The following MARK2 variants were observed in gnomAD, a reference collection of about 807,000 sequenced individuals.
MARK2 encodes the protein microtubule affinity regulating kinase 2.
A neutral mutation model predicts 89.8 loss-of-function variants in MARK2; 16 were observed. The ratio of observed to expected loss-of-function variants is 0.18; its 90% CI spans 0.12 to 0.27. MARK2 has a LOEUF of 0.27. Ranked by LOEUF, MARK2 falls within the 10% of genes least tolerant of loss-of-function variation. MARK2 has a pLI of 1.00. For missense variants in MARK2, 621 were observed against 1,049.9 expected (o/e 0.59, Z 5.65); for synonymous variants, 382 against 399.5 (o/e 0.96, Z 0.52).
At chr11:63,901,422 G>GGTGGGTGTGTGTGTGTGT (rs1554985349) in intron 11 of MARK2, among the ~76,000 whole-genome samples, 1 of 139,590 alleles carries the variant, frequency 7.2e-6, no homozygotes, top group African/African-American at 2.7e-5. Flanking sequence ...TACATTTCTG[G>GGTGGGTGTGTGTGTGTGT]GTGTGTGTGT....
At chr11:63,895,658 C>CGTTT in intron 3 of MARK2, 25 bp downstream of exon 3, 2 of 1,161,440 alleles carry the variant, frequency 1.7e-6, no homozygotes, top group Non-Finnish European at 2.4e-6. Flanking sequence ...CCTCCTGTCC[C>CGTTT]TTTTTTTTTT....
chr11:63,867,289 AAGTGCTGGGATACCAGGTGTG>A (rs1938189382), intron 1 of MARK2, among the ~76,000 whole-genome samples: 1 of 152,346 alleles, frequency 6.6e-6, no homozygotes, highest in African/African-American at 2.4e-5. Context: ...CAGCCTCCTG[AAGTGCTGGGATACCAGGTGTG>A]AGCTACCACA....
chr11:63,876,490 C>T (rs1355635392), intron 1 of MARK2, among the ~76,000 whole-genome samples: 2 of 152,198 alleles, frequency 1.3e-5, no homozygotes, highest in Admixed American at 6.5e-5. Flanking sequence ...GGTAGGGACC[C>T]CGTTATGGCT....
At chr11:63,890,397 A>AC (rs1179195390) in intron 1 of MARK2, 1 of 554,350 alleles carries the variant, frequency 1.8e-6, no homozygotes, top group Non-Finnish European at 3.0e-6. Flanking sequence ...AAGAGCAAGC[A>AC]CCAGTGCTTG....
At chr11:63,844,928 T>C (rs1412078102) in intron 1 of MARK2, among the ~76,000 whole-genome samples, 2 of 152,210 alleles carry the variant, frequency 1.3e-5, no homozygotes, top group African/African-American at 4.8e-5. Context: ...TTATGTCGAC[T>C]TGAATGAATA....
chr11:63,878,718 C>T (rs1198929255), intron 1 of MARK2, among the ~76,000 whole-genome samples: 2 of 152,002 alleles, frequency 1.3e-5, no homozygotes, highest in Non-Finnish European at 2.9e-5. Context: ...ACTAGGGAGC[C>T]CCCGTGTCTG....
intron 1 of MARK2, among the ~76,000 whole-genome samples, chr11:63,852,970 C>T (rs1232525393): frequency 6.6e-6 from 1 of 152,186 alleles, no homozygotes; most frequent in African/African-American, 2.4e-5. Flanking sequence ...TGCCACATTG[C>T]TTTGGCTGGA....
At chr11:63,865,355 C>T (rs1938071521) in intron 1 of MARK2, among the ~76,000 whole-genome samples, 1 of 152,332 alleles carries the variant, frequency 6.6e-6, no homozygotes, top group African/African-American at 2.4e-5. Context: ...CCTCCCACCT[C>T]AGCCTCCCAA....
At chr11:63,883,054 G>A (rs1206503900) in intron 1 of MARK2, among the ~76,000 whole-genome samples, 4 of 152,172 alleles carry the variant, frequency 2.6e-5, no homozygotes, top group African/African-American at 7.2e-5. Flanking sequence ...CCATGGTTAC[G>A]GTAACCCACT....
Position 63,904,588 on chromosome 11 carries a change from A to T in MARK2, c.1677-198A>T, listed in dbSNP as rs1941173601. Among the ~76,000 whole-genome samples, 1 of 151,654 alleles carries T rather than the reference A, an allele frequency of 6.6e-6. No individual in the cohort carries two copies. The highest frequency in any genetic ancestry group is 2.1e-4 in the South Asian group (1 of 4,804). On this transcript the variant is annotated intron_variant, in intron 15 of 18. Transcript: ENST00000402010. The surrounding 1 kb of genome is among the most constrained non-coding windows in gnomAD (Gnocchi z 6.3). The stretch of plus-strand genomic sequence containing the variant: ...CCTTGCCTCCCTCCCTCCCTTCCCA[A>T]ACCATCTCCTTCCACTTCCACGAGA...
intron 1 of MARK2, among the ~76,000 whole-genome samples, chr11:63,846,719 G>A (rs567332474): frequency 1.2e-4 from 18 of 150,006 alleles, no homozygotes; most frequent in East Asian, 5.9e-4. Context: ...GCAGTGGCAC[G>A]ATCTCGGCTC....
At chr11:63,881,681 C>T (rs1440944435) in intron 1 of MARK2, among the ~76,000 whole-genome samples, 1 of 151,648 alleles carries the variant, frequency 6.6e-6, no homozygotes, top group African/African-American at 2.4e-5. Context: ...TGTGGTGGCT[C>T]ACGCCTGTAA....
At chr11:63,881,496 A>G (rs1226925636) in intron 1 of MARK2, among the ~76,000 whole-genome samples, 1 of 152,114 alleles carries the variant, frequency 6.6e-6, no homozygotes, top group African/African-American at 2.4e-5. Context: ...GGCAACTTTA[A>G]AGATCAAAAA....
At chr11:63,845,717 A>G (rs2016244711) in intron 1 of MARK2, among the ~76,000 whole-genome samples, 1 of 151,992 alleles carries the variant, frequency 6.6e-6, no homozygotes. Flanking sequence ...TAGGCCATTG[A>G]AGGTCATTGC....
At chr11:63,848,996 C>T (rs910893072) in intron 1 of MARK2, among the ~76,000 whole-genome samples, 6 of 152,030 alleles carry the variant, frequency 3.9e-5, no homozygotes, top group Admixed American at 2.0e-4. Context: ...CGTGAGCCAC[C>T]GCGCCTGACC....
chr11:63,843,604 G>T (rs2016127313), intron 1 of MARK2, among the ~76,000 whole-genome samples: 1 of 151,640 alleles, frequency 6.6e-6, no homozygotes, highest in African/African-American at 2.4e-5. Flanking sequence ...GTTGATTCTG[G>T]ATAAAAATAT....
At chr11:63,881,313 A>T (rs952049396) in intron 1 of MARK2, among the ~76,000 whole-genome samples, 1 of 152,126 alleles carries the variant, frequency 6.6e-6, no homozygotes, top group African/African-American at 2.4e-5. Flanking sequence ...CTCAAAAAAA[A>T]ATACCAAGGT....
In MARK2 at chr11:63,904,105, G is replaced by C. The variant is rs1175632891; in HGVS notation, c.1634G>C (p.Gly545Ala). Residue 545 changes from glycine to alanine, a missense_variant, in exon 15 of 19, where the codon GGG (glycine) becomes GCG (alanine). Gly to Ala is a moderately conservative substitution (Grantham distance 60). Coordinates refer to ENST00000402010, the MANE Select transcript of MARK2 (RefSeq NM_001039469.3). This position sits in a 1 kb window ranked among gnomAD's most constrained non-coding sequence, Gnocchi z 6.3. ...SASVHPNKAS[G>A]LPPTESNCEV... ...TCCGTGCACCCCAACAAGGCCTCTG[G>C]GCTGCCCCCCACGGAGAGTAACTGT... 1.2e-6 allele frequency: 2 copies of C among 1,601,648 alleles called. No individual in the cohort carries two copies. The highest frequency in any genetic ancestry group is 8.5e-7 in the Non-Finnish European group (1 of 1,178,146).
At chr11:63,898,923 C>T (rs535507031) in intron 6 of MARK2, 90 bp downstream of exon 6, 380 of 1,310,700 alleles carry the variant, frequency 2.9e-4, no homozygotes, top group Admixed American at 2.0e-3. Flanking sequence ...GTAAGTGGCC[C>T]TTGGAGGGTA....
Sources: gnomAD v4.1 joint callset for allele counts (sites outside exome capture counted in the v4.1 genomes callset) on GRCh38, gnomAD v4.1.1 for gene constraint, Gnocchi (gnomAD v3.1) non-coding constraint, MANE v1.5 for transcripts, NCBI Gene and HGNC (gene_info 2026-07-23, HGNC 2026-07-21) for gene names.